Variants in IGSF10 observed in about 807,000 individuals in gnomAD.
IGSF10 encodes the protein calvaria mechanical force protein 608.
A neutral mutation model predicts 128.2 loss-of-function variants in IGSF10; 126 were observed. The observed-to-expected ratio is 0.98, with a 90% CI of 0.85 to 1.14. The LOEUF (loss-of-function observed/expected upper bound fraction) is 1.14, where lower values mean the gene tolerates loss of function less well. Ranked by LOEUF, IGSF10 falls within the 50% of genes most tolerant of loss-of-function variation. The pLI, the probability that IGSF10 is intolerant of heterozygous loss-of-function variation, is 0.00. For synonymous variants in IGSF10, 1,185 were observed against 1,146.2 expected (o/e 1.03, Z -0.68); for missense variants, 3,295 against 3,149.8 (o/e 1.05, Z -1.10).
At position 151,448,222 on chromosome 3, in the gene IGSF10, T is replaced by C. The variant is rs776690208; in HGVS notation, c.1759A>G (p.Ile587Val). 4 of 1,614,226 alleles carry C rather than the reference T, an allele frequency of 2.5e-6. No individual in the cohort carries two copies. In the Admixed American group the frequency reaches 6.7e-5, roughly 27 times the overall value. The change falls in exon 6 of 8, where the codon ATT becomes GTT. Residue 587 changes from isoleucine (I) to valine (V), a missense_variant. Coordinates refer to ENST00000282466, the MANE Select transcript of IGSF10 (RefSeq NM_178822.5). ...QENGIHHTVFIGETLDLPCHS... is the reference protein window; with the variant it reads ...QENGIHHTVFVGETLDLPCHS... ...CATGGAAGATCAAGTGTTTCACCAA[T>C]GAAAACTGTGTGATGAATCCCATTT...
the IGSF10 span, among the ~76,000 whole-genome samples, chr3:151,512,385 G>A: frequency 1.3e-5 from 2 of 152,066 alleles, no homozygotes; most frequent in African/African-American, 2.4e-5. Flanking sequence ...CGAAATGAAG[G>A]CAGAAATAAA....
At chr3:151,593,036 T>C in the IGSF10 span, among the ~76,000 whole-genome samples, 1 of 152,212 alleles carries the variant, frequency 6.6e-6, no homozygotes, top group African/African-American at 2.4e-5. Context: ...GTTCCATTAG[T>C]CAATTTGACA....
chr3:151,448,346 G>T lies in IGSF10; in HGVS notation c.1635C>A (p.Asp545Glu), dbSNP rs541699860. The T allele has an allele frequency of 1.2e-6, 2 of 1,614,190 alleles. No homozygotes were observed. Among genetic ancestry groups the T allele is most frequent in the African/African-American group, 1.3e-5 (1 of 75,046 alleles). ...KLELQMADSFDTGVYHCISSN... is the reference protein window; with the variant it reads ...KLELQMADSFETGVYHCISSN... ...TGCTTATACAGTGATATACGCCTGT[G>T]TCAAAACTATCAGCCATCTGGAGTT... Residue 545 changes from aspartate (D) to glutamate (E), a missense_variant, in exon 6 of 8, where the codon GAC becomes GAA. Transcript: ENST00000282466.
At chr3:151,488,241 G>T in the IGSF10 span, among the ~76,000 whole-genome samples, 1 of 151,970 alleles carries the variant, frequency 6.6e-6, no homozygotes, top group East Asian at 1.9e-4. Flanking sequence ...AGAGAATTAA[G>T]TACCTAGGAA....
the IGSF10 span, among the ~76,000 whole-genome samples, chr3:151,607,940 AATGGGAAC>A: frequency 6.7e-6 from 1 of 150,200 alleles, no homozygotes; most frequent in Admixed American, 6.6e-5. Context: ...AAAAAAAAGA[AATGGGAAC>A]ATGCTAGTAA....
At chr3:151,520,206 C>T in the IGSF10 span, among the ~76,000 whole-genome samples, 1 of 151,754 alleles carries the variant, frequency 6.6e-6, no homozygotes, top group African/African-American at 2.4e-5. Context: ...CTAATCCTGC[C>T]CGAGTTTGTT....
the IGSF10 span, among the ~76,000 whole-genome samples, chr3:151,593,958 A>G: frequency 2.0e-5 from 3 of 151,334 alleles, no homozygotes; most frequent in Non-Finnish European, 4.4e-5. Flanking sequence ...CATCTCAGAA[A>G]AAAAGATTGA....
At chr3:151,552,391 G>A in the IGSF10 span, among the ~76,000 whole-genome samples, 1 of 152,188 alleles carries the variant, frequency 6.6e-6, no homozygotes, top group Non-Finnish European at 1.5e-5. Flanking sequence ...GGGCAAGGAA[G>A]GCAACTTTAT....
the IGSF10 span, among the ~76,000 whole-genome samples, chr3:151,477,799 T>TA: frequency 6.6e-5 from 10 of 152,216 alleles, no homozygotes; most frequent in East Asian, 1.3e-3. Context: ...CAGATAGTGA[T>TA]ATGTTAGGCT....
chr3:151,557,808 CTT>C, the IGSF10 span, among the ~76,000 whole-genome samples: 13 of 150,466 alleles, frequency 8.6e-5, no homozygotes, highest in African/African-American at 3.2e-4. Flanking sequence ...CAAATGATCT[CTT>C]TGTTTATTAC....
At position 151,436,851 on chromosome 3, in the gene IGSF10, G is replaced by GAGA; in HGVS notation, c.7707_7709dup (p.Leu2570dup). Reference sequence around the variant, plus strand: ...GTGTCCTCTCTTTACTTGCCGTTGAGAGAAGGGAGTGGTCAGGCATCTCCC... The same window carrying GAGA: ...GTGTCCTCTCTTTACTTGCCGTTGAGAGAAGAAGGGAGTGGTCAGGCATCTCCC... On this transcript the variant is annotated inframe_insertion, in exon 8 of 8. Transcript: ENST00000282466. 1 of 1,614,154 alleles carries GAGA rather than the reference G, an allele frequency of 6.2e-7. No individual in the cohort carries two copies. Among genetic ancestry groups the GAGA allele is most frequent in the Non-Finnish European group, 8.5e-7 (1 of 1,180,016 alleles).
the IGSF10 span, among the ~76,000 whole-genome samples, chr3:151,554,742 G>A: frequency 2.0e-4 from 31 of 152,194 alleles, no homozygotes; most frequent in Admixed American, 4.6e-4. Context: ...TATTTCCTCA[G>A]AACAAATTTA....
chr3:151,488,942 A>C, the IGSF10 span, among the ~76,000 whole-genome samples: 2 of 152,238 alleles, frequency 1.3e-5, no homozygotes, highest in Non-Finnish European at 2.9e-5. Flanking sequence ...ACACACAAAA[A>C]GCAATGGCAA....
Position 151,443,312 on chromosome 3 carries a change from A to G in IGSF10, c.5635T>C (p.Ser1879Pro). The G allele has an allele frequency of 6.2e-7, 1 of 1,614,172 alleles. No individual in the cohort carries two copies. The highest frequency in any genetic ancestry group is 8.5e-7 in the Non-Finnish European group (1 of 1,180,004). Reference sequence around the variant, plus strand: ...AATGGTTTCACTTCAGTGCCATCAGAGAGGACCCAGTAAACGCTGGGCTGA... The same window carrying G: ...AATGGTTTCACTTCAGTGCCATCAGGGAGGACCCAGTAAACGCTGGGCTGA... ...TPQPSVYWVLSDGTEVKPLQF... is the reference protein window; with the variant it reads ...TPQPSVYWVLPDGTEVKPLQF... The change falls in exon 7 of 8, where the codon TCT becomes CCT. Residue 1879 changes from serine to proline, a missense_variant. Ser to Pro is a moderately conservative substitution (Grantham distance 74, BLOSUM62 -1). Transcript: ENST00000282466.
At chr3:151,475,531 T>G in the IGSF10 span, among the ~76,000 whole-genome samples, 2 of 152,234 alleles carry the variant, frequency 1.3e-5, no homozygotes, top group African/African-American at 4.8e-5. Flanking sequence ...TCCTAGCAGT[T>G]ATACTTCAAC....
At chr3:151,538,990 G>A in the IGSF10 span, among the ~76,000 whole-genome samples, 26 of 152,160 alleles carry the variant, frequency 1.7e-4, no homozygotes, top group Admixed American at 1.7e-3. Flanking sequence ...GCACGATAAA[G>A]AGCCAGCTTT....
At chr3:151,610,975 A>T in the IGSF10 span, among the ~76,000 whole-genome samples, 1 of 152,206 alleles carries the variant, frequency 6.6e-6, no homozygotes, top group African/African-American at 2.4e-5. Context: ...GGATACATTC[A>T]AACCATAGCA....
At chr3:151,488,683 A>C in the IGSF10 span, among the ~76,000 whole-genome samples, 1 of 152,190 alleles carries the variant, frequency 6.6e-6, no homozygotes, top group African/African-American at 2.4e-5. Flanking sequence ...ATCTACAACC[A>C]TCTGATCTTT....
chr3:151,587,663 G>A, the IGSF10 span, among the ~76,000 whole-genome samples: 3 of 152,164 alleles, frequency 2.0e-5, no homozygotes, highest in Non-Finnish European at 4.4e-5. Flanking sequence ...GTTTGGCTGT[G>A]TCCCCACCCA....
Sources: allele counts gnomAD v4.1 joint callset (sites outside exome capture counted in the v4.1 genomes callset), GRCh38; gene constraint gnomAD v4.1.1; transcripts MANE v1.5; gene names NCBI Gene and HGNC (gene_info 2026-07-23, HGNC 2026-07-21).